Variants in AUTS2 observed in about 807,000 individuals in gnomAD.
The protein encoded by AUTS2 is activator of transcription and developmental regulator AUTS2, also known as autism susceptibility gene 2 protein.
A neutral mutation model predicts 112.4 loss-of-function variants in AUTS2; 17 were observed. The ratio of observed to expected loss-of-function variants is 0.15; its 90% CI spans 0.10 to 0.23. AUTS2 has a LOEUF of 0.23. AUTS2 is among the 10% of genes least tolerant of loss of function. The pLI is 1.00. For synonymous variants in AUTS2, 751 were observed against 702.7 expected, an observed-to-expected ratio of 1.07 and a Z score of -1.09; for missense variants, 1,510 against 1,701.6, an observed-to-expected ratio of 0.89 and a Z score of 1.98.
intron 1 of AUTS2, among the ~76,000 whole-genome samples, chr7:69,782,323 A>G (rs868523809): frequency 2.3e-4 from 34 of 150,778 alleles, no homozygotes; most frequent in African/African-American, 7.5e-4. Context: ...TGATGGTATT[A>G]CTGCAGGTGG....
chr7:69,966,346 T>G (rs942128937), intron 2 of AUTS2, among the ~76,000 whole-genome samples: 1 of 152,146 alleles, frequency 6.6e-6, no homozygotes, highest in Non-Finnish European at 1.5e-5. Context: ...CTGGTCATGA[T>G]AAAGCCACCC....
intron 3 of AUTS2, among the ~76,000 whole-genome samples, chr7:70,121,133 C>A (rs1562714544): frequency 6.6e-6 from 1 of 152,138 alleles, no homozygotes; most frequent in South Asian, 2.1e-4. Flanking sequence ...GTTGAGAGAA[C>A]TGGATTTCTA....
chr7:70,653,223 T>C lies in AUTS2; in HGVS notation c.691-45346T>C, dbSNP rs550397521. ...TGCCACTGCACTCCAGCTTGGGCAA[T>C]AGAGTGAGACCTTGTCTCAAAAAAA... is the stretch of plus-strand genomic sequence containing the variant. On this transcript the variant is annotated intron_variant, in intron 5 of 18. Transcript: ENST00000342771. Among the ~76,000 whole-genome samples, 475 of 152,222 alleles carry C rather than the reference T, an allele frequency of 3.1e-3. 2 individuals are homozygous for C. The highest frequency in any genetic ancestry group is 0.011 in the African/African-American group (458 of 41,514).
chr7:70,540,363 G>T (rs1800504075), intron 5 of AUTS2, among the ~76,000 whole-genome samples: 1 of 152,114 alleles, frequency 6.6e-6, no homozygotes, highest in Non-Finnish European at 1.5e-5. Context: ...CCTTGTAATG[G>T]GAACAGCCTC....
intron 4 of AUTS2, among the ~76,000 whole-genome samples, chr7:70,248,778 TACTC>T (rs1338018808): frequency 6.6e-6 from 1 of 152,202 alleles, no homozygotes. Context: ...AGTCTAAAGT[TACTC>T]AGGAGGAAAG....
At chr7:70,769,577 C>T (rs1388654049) in intron 10 of AUTS2, among the ~76,000 whole-genome samples, 6 of 152,070 alleles carry the variant, frequency 3.9e-5, no homozygotes, top group Admixed American at 6.5e-5. Flanking sequence ...CCCAGCTACT[C>T]GGGAGGCTGA....
intron 1 of AUTS2, among the ~76,000 whole-genome samples, chr7:69,879,579 C>T (rs1442066353): frequency 1.3e-5 from 2 of 152,104 alleles, no homozygotes; most frequent in African/African-American, 4.8e-5. Context: ...CTGAGCATTT[C>T]CTAGATCTTG....
intron 4 of AUTS2, among the ~76,000 whole-genome samples, chr7:70,355,008 GTA>G (rs1239558554): frequency 4.7e-5 from 7 of 150,086 alleles, no homozygotes; most frequent in African/African-American, 1.7e-4. Context: ...GGGTGTGTGT[GTA>G]TGTATGTGTG....
At chr7:69,703,458 T>G (rs751290808) in intron 1 of AUTS2, among the ~76,000 whole-genome samples, 1 of 152,166 alleles carries the variant, frequency 6.6e-6, no homozygotes, top group Non-Finnish European at 1.5e-5. Context: ...AGAAAAAAAT[T>G]GATTTGTCAC....
intron 1 of AUTS2, among the ~76,000 whole-genome samples, chr7:69,740,283 G>C (rs919111725): frequency 6.6e-6 from 1 of 152,154 alleles, no homozygotes. Flanking sequence ...GCGTCATTTA[G>C]ACAGGAAAGA....
intron 4 of AUTS2, chr7:70,290,792 G>T: frequency 2.0e-6 from 1 of 493,368 alleles, no homozygotes; most frequent in Non-Finnish European, 2.9e-6. Context: ...AAAGAGTGCT[G>T]CTTGCCAAGA....
At chr7:69,931,390 CT>C (rs2129543954) in intron 2 of AUTS2, among the ~76,000 whole-genome samples, 1 of 152,348 alleles carries the variant, frequency 6.6e-6, no homozygotes, top group African/African-American at 2.4e-5. Flanking sequence ...ACATCTGCAT[CT>C]TTGCAGCTTG....
chr7:70,592,884 CTG>C (rs1430258575), intron 5 of AUTS2, among the ~76,000 whole-genome samples: 1 of 152,200 alleles, frequency 6.6e-6, no homozygotes, highest in African/African-American at 2.4e-5. Context: ...CGGTCTTGCT[CTG>C]TTGCCCAGGC....
At position 70,107,069 on chromosome 7, in the gene AUTS2, G is replaced by A. The variant is rs139459780; in HGVS notation, c.523-11063G>A. Among the ~76,000 whole-genome samples the A allele has an allele frequency of 3.3e-4, 50 of 152,252 alleles. No homozygotes were observed. In the East Asian group the frequency reaches 9.5e-3, roughly 29 times the overall value. ...TGGTTTTTGACCTTTTGCTGAACAA[G>A]TACTTTAAAAATTTTCAAATGCCAG... On this transcript the variant is annotated intron_variant, in intron 2 of 18. Coordinates refer to ENST00000342771, the MANE Select transcript of AUTS2 (RefSeq NM_015570.4).
In AUTS2 at chr7:69,827,458, AC is replaced by A. The variant is rs202040480; in HGVS notation, c.310-71824del. On this transcript the variant is annotated intron_variant, in intron 1 of 18. Transcript: ENST00000342771. ...GGGAAAAAGAAGAGGGGAAAAAAAA[AC>A]CCCTAAAAAAACCCTGGATTCTGAA... 2.9e-3 allele frequency among the ~76,000 whole-genome samples: 435 copies of A among 152,030 alleles called. 1 individual carries two copies. Among genetic ancestry groups the A allele is most frequent in the African/African-American group, 9.6e-3 (400 of 41,458 alleles).
At chr7:70,052,071 T>C (rs79033526) in intron 2 of AUTS2, among the ~76,000 whole-genome samples, 442 of 152,256 alleles carry the variant, frequency 2.9e-3, no homozygotes, top group African/African-American at 9.9e-3. Flanking sequence ...TAGAAAGAAA[T>C]GGAACGGAGA....
chr7:70,224,149 T>C (rs893045645), intron 4 of AUTS2, among the ~76,000 whole-genome samples: 1 of 152,068 alleles, frequency 6.6e-6, no homozygotes, highest in Non-Finnish European at 1.5e-5. Flanking sequence ...ATCTTGTCTC[T>C]ACAAAAAATA....
chr7:70,107,975 C>T (rs2129570785), intron 2 of AUTS2, among the ~76,000 whole-genome samples: 1 of 150,920 alleles, frequency 6.6e-6, no homozygotes, highest in Non-Finnish European at 1.5e-5. Context: ...TATGCCACTG[C>T]ACTCCAGCCT....
intron 5 of AUTS2, among the ~76,000 whole-genome samples, chr7:70,493,307 A>G (rs1204450192): frequency 6.6e-6 from 1 of 152,206 alleles, no homozygotes; most frequent in African/African-American, 2.4e-5. Context: ...CTTTGAATAG[A>G]TCTTGCATGC....
Sources: allele counts gnomAD v4.1 joint callset (sites outside exome capture counted in the v4.1 genomes callset), GRCh38; gene constraint gnomAD v4.1.1; transcripts MANE v1.5; gene names NCBI Gene and HGNC (gene_info 2026-07-23, HGNC 2026-07-21).